Variants in GDF5 observed in about 807,000 individuals in gnomAD.
GDF5 encodes growth/differentiation factor 5.
Under a neutral mutation model 34.6 loss-of-function variants are expected in GDF5, and 17 were observed. The ratio of observed to expected loss-of-function variants is 0.49; its 90% CI spans 0.34 to 0.74. The LOEUF (loss-of-function observed/expected upper bound fraction) is 0.74. Ranked by LOEUF, GDF5 falls within the 30% of genes least tolerant of loss-of-function variation. The probability of loss-of-function intolerance (pLI) is 0.01; values close to 1 mark genes in which losing one functional copy is unlikely to be tolerated. For synonymous variants in GDF5, 332 were observed against 290.7 expected (o/e 1.14, Z -1.44); for missense variants, 616 against 661.2 (o/e 0.93, Z 0.75).
At chr20:35,450,223 T>C (rs2062526567) in intron 1 of GDF5, among the ~76,000 whole-genome samples, 2 of 151,216 alleles carry the variant, frequency 1.3e-5, no homozygotes, top group Admixed American at 6.6e-5. Context: ...CGAGGATCAC[T>C]TGAACCCAGG....
chr20:35,444,065 T>C (rs1195964951), intron 1 of GDF5, among the ~76,000 whole-genome samples: 2 of 152,146 alleles, frequency 1.3e-5, no homozygotes, highest in African/African-American at 4.8e-5. Context: ...ATGTTGGGTA[T>C]TCATTTCTTT....
At chr20:35,445,548 T>C (rs369402003) in intron 1 of GDF5, among the ~76,000 whole-genome samples, 1 of 151,564 alleles carries the variant, frequency 6.6e-6, no homozygotes, top group Admixed American at 6.6e-5. Flanking sequence ...CCTGTAATCC[T>C]AGCTACTCGG....
In GDF5 at chr20:35,438,183, G is replaced by A. The variant is rs1449086094; in HGVS notation, c.-255C>T. 7.2e-6 allele frequency: 4 copies of A among 554,822 alleles called. No homozygotes were observed. Among genetic ancestry groups the A allele is most frequent in the South Asian group, 2.1e-5 (1 of 47,716 alleles). 34.4% of individuals were successfully genotyped at this position (554,822 alleles called of 1,614,324 possible). On this transcript the variant is annotated 5_prime_UTR_variant, in exon 1 of 2. In the 5' UTR this introduces an upstream ATG that the reference lacks. Coordinates refer to ENST00000374369, the MANE Select transcript of GDF5 (RefSeq NM_000557.5). The stretch of plus-strand genomic sequence containing the variant: ...TCCAGTCAGCAGCTGAAAATAACTC[G>A]TTCTTGAAAGGAGAAAGCCGACCGC...
chr20:35,454,179 C>T (rs1214312018), intron 1 of GDF5: 1 of 373,876 alleles, frequency 2.7e-6, no homozygotes, highest in Non-Finnish European at 5.4e-6. Flanking sequence ...CAAGGCCGGG[C>T]GCGGTGGCTC....
intron 1 of GDF5, among the ~76,000 whole-genome samples, chr20:35,450,563 T>A (rs2062527942): frequency 6.6e-6 from 1 of 152,058 alleles, no homozygotes; most frequent in South Asian, 2.1e-4. Flanking sequence ...GCCTCGCAGA[T>A]GTTTATAGCC....
upstream of GDF5, among the ~76,000 whole-genome samples, chr20:35,439,147 G>A (rs917900586): frequency 1.8e-4 from 27 of 151,462 alleles, no homozygotes; most frequent in Middle Eastern, 6.4e-3. Flanking sequence ...CAGCAGAGAC[G>A]TCCTCTGAGT....
upstream of GDF5, among the ~76,000 whole-genome samples, chr20:35,438,682 T>C (rs2062486144): frequency 6.6e-6 from 1 of 152,130 alleles, no homozygotes; most frequent in Non-Finnish European, 1.5e-5. Flanking sequence ...CCACCCCACT[T>C]TCCCGAGGAG....
upstream of GDF5, among the ~76,000 whole-genome samples, chr20:35,440,491 TC>T (rs1331891008): frequency 6.6e-6 from 1 of 152,052 alleles, no homozygotes; most frequent in East Asian, 1.9e-4. Context: ...CTTCTAGGCC[TC>T]CAGGCTCTCT....
chr20:35,433,813 T>A lies in GDF5; in HGVS notation c.*96A>T. 1 of 1,031,986 alleles carries A rather than the reference T, an allele frequency of 9.7e-7. No individual in the cohort carries two copies. Among genetic ancestry groups the A allele is most frequent in the Non-Finnish European group, 1.5e-6 (1 of 651,976 alleles). The allele number at this position is 1,031,986 out of a possible 1,614,324, so 63.9% of individuals were successfully genotyped here. A position where few individuals can be genotyped will look rare whatever the true frequency, so the allele number is the denominator to read the frequency against. ...TCCCCTTTCACCCAAGCTGTGTAGA[T>A]GCTCCTGCCACAGCTTCCTGACCCC... is the stretch of plus-strand genomic sequence containing the variant. On this transcript the variant is annotated 3_prime_UTR_variant, in exon 2 of 2. Coordinates refer to ENST00000374369, the MANE Select transcript of GDF5 (RefSeq NM_000557.5).
At chr20:35,453,695 G>A (rs1387878036) in intron 1 of GDF5, among the ~76,000 whole-genome samples, 1 of 152,042 alleles carries the variant, frequency 6.6e-6, no homozygotes, top group Non-Finnish European at 1.5e-5. Context: ...TCTCAAATTA[G>A]CTATTAAGAT....
chr20:35,441,553 C>T (rs2062498052), upstream of GDF5, among the ~76,000 whole-genome samples: 1 of 150,000 alleles, frequency 6.7e-6, no homozygotes, highest in African/African-American at 2.5e-5. Context: ...CCCCCGGGTT[C>T]AAGTGATTCT....
chr20:35,442,449 G>A (rs1432568630), upstream of GDF5, among the ~76,000 whole-genome samples: 1 of 151,868 alleles, frequency 6.6e-6, no homozygotes, highest in African/African-American at 2.4e-5. Context: ...CAACCACAAT[G>A]TCTCTGTATG....
chr20:35,438,734 C>T (rs1288059198), upstream of GDF5, among the ~76,000 whole-genome samples: 1 of 151,854 alleles, frequency 6.6e-6, no homozygotes, highest in Non-Finnish European at 1.5e-5. Flanking sequence ...GCCCCAGAAG[C>T]ATGGGGAGTG....
At chr20:35,434,831 C>T (rs1320562853) in intron 1 of GDF5, 48 bp from the exon 2 acceptor site, 1 of 1,591,872 alleles carries the variant, frequency 6.3e-7, no homozygotes, top group South Asian at 1.1e-5. Context: ...ACCAAGGGAG[C>T]CAGTCACTTC....
intron 1 of GDF5, among the ~76,000 whole-genome samples, chr20:35,448,634 G>C (rs900759887): frequency 6.6e-6 from 1 of 151,934 alleles, no homozygotes; most frequent in Admixed American, 6.6e-5. Context: ...AGTAGAGACA[G>C]GGTTTCGCCA....
chr20:35,453,962 A>G (rs1392698269), intron 1 of GDF5: 2 of 534,606 alleles, frequency 3.7e-6, no homozygotes. Flanking sequence ...CGTGTTCCCA[A>G]TTATCAGAAT....
At chr20:35,449,813 A>C (rs2062524889) in intron 1 of GDF5, among the ~76,000 whole-genome samples, 1 of 152,010 alleles carries the variant, frequency 6.6e-6, no homozygotes, top group Non-Finnish European at 1.5e-5. Context: ...GTGAGTCCCC[A>C]TCTCTACAAA....
rs563675682 is a variant in GDF5 at position 35,449,363 on chromosome 20, C to A, written c.-398+5277G>T. 2.3e-4 allele frequency among the ~76,000 whole-genome samples: 35 copies of A among 152,054 alleles called. 1 individual carries two copies. Among genetic ancestry groups the A allele is most frequent in the African/African-American group, 8.2e-4 (34 of 41,464 alleles). ...TGAACACAGCTCACTGCAGCCTCAA[C>A]CTCCTGGGCTCAAGCGATCCTTCCT... On this transcript the variant is annotated intron_variant, in intron 1 of 3. Transcript: ENST00000374372.
At chr20:35,454,236 G>C (rs2062555427) in intron 1 of GDF5, 1 of 331,634 alleles carries the variant, frequency 3.0e-6, no homozygotes, top group African/African-American at 2.2e-5. Flanking sequence ...GGAGGATCAC[G>C]AGGTCAAGAG....
Sources: allele counts gnomAD v4.1 joint callset (sites outside exome capture counted in the v4.1 genomes callset), GRCh38; gene constraint gnomAD v4.1.1; transcripts MANE v1.5; gene names NCBI Gene and HGNC (gene_info 2026-07-23, HGNC 2026-07-21).